The following FILIP1L variants were observed in gnomAD, a reference collection of about 807,000 sequenced individuals.
FILIP1L encodes the protein filamin A-interacting protein 1-like.
FILIP1L carries 55 observed loss-of-function variants against 96.6 expected under a neutral mutation model. That is an observed-to-expected ratio of 0.57 (90% CI 0.46 to 0.71). FILIP1L has a LOEUF of 0.71. Among genes scored for constraint, FILIP1L ranks in the 30% least tolerant of loss-of-function variants. FILIP1L has a pLI of 0.00. For synonymous variants in FILIP1L, 467 were observed against 473.9 expected (o/e 0.99, Z 0.19); for missense variants, 1,304 against 1,321.2 (o/e 0.99, Z 0.20).
rs187341961 is a variant in FILIP1L, at chr3:99,850,099, T to C, written c.1577A>G (p.Gln526Arg). 4.0e-5 allele frequency: 64 copies of C among 1,613,266 alleles called. No individual in the cohort carries two copies. In the Admixed American group the frequency reaches 1.1e-3, roughly 27 times the overall value. The change falls in exon 5 of 6, where the codon CAA becomes CGA. Residue 526 changes from glutamine (Q) to arginine (R), a missense_variant. Gln to Arg is a conservative substitution (Grantham distance 43). Transcript: ENST00000477258. ...DKLQAASSQLQVEQNKVTTVT... is the reference protein window; with the variant it reads ...DKLQAASSQLRVEQNKVTTVT... ...TGTTGTTACTTTATTTTGCTCCACT[T>C]GAAGCTGAGAAGAAGCAGCTTGTAA...
At chr3:100,002,624 T>A (rs1320061349) in intron 1 of FILIP1L, among the ~76,000 whole-genome samples, 2 of 152,190 alleles carry the variant, frequency 1.3e-5, no homozygotes, top group African/African-American at 4.8e-5. Context: ...TATCTGTCCA[T>A]CATATGGGTG....
At chr3:99,962,556 A>G (rs974136184) in intron 1 of FILIP1L, among the ~76,000 whole-genome samples, 1 of 152,182 alleles carries the variant, frequency 6.6e-6, no homozygotes, top group African/African-American at 2.4e-5. Flanking sequence ...GGAAGAGATA[A>G]TATTGTTTTA....
intron 5 of FILIP1L, among the ~76,000 whole-genome samples, chr3:99,830,831 G>A (rs1428512808): frequency 6.6e-6 from 1 of 152,196 alleles, no homozygotes; most frequent in Non-Finnish European, 1.5e-5. Context: ...GATAGTGGTA[G>A]ATACAGAGAT....
chr3:99,997,998 A>G (rs1052778912), intron 1 of FILIP1L, among the ~76,000 whole-genome samples: 1 of 152,244 alleles, frequency 6.6e-6, no homozygotes, highest in African/African-American at 2.4e-5. Context: ...GGTTCCTGCT[A>G]GAGCATAGAG....
chr3:99,850,082 C>A lies in FILIP1L; in HGVS notation c.1594G>T (p.Val532Leu), dbSNP rs563640451. Residue 532 changes from valine to leucine, a missense_variant, in exon 5 of 6, where the codon GTA (valine) becomes TTA (leucine). Coordinates refer to ENST00000477258, the MANE Select transcript of FILIP1L (RefSeq NM_001387850.1). The part of the protein sequence containing the change: ...SSQLQVEQNK[V>L]TTVTEKLIEE... ...ATTAACTTCTCAGTAACTGTTGTTA[C>A]TTTATTTTGCTCCACTTGAAGCTGA... 1.7e-5 allele frequency: 28 copies of A among 1,613,010 alleles called. No homozygotes were observed. In the African/African-American group the frequency reaches 2.4e-4, roughly 14 times the overall value.
At chr3:99,970,688 G>C (rs538846923) in intron 1 of FILIP1L, among the ~76,000 whole-genome samples, 29 of 152,314 alleles carry the variant, frequency 1.9e-4, no homozygotes, top group African/African-American at 7.0e-4. Context: ...AAGACATTCT[G>C]TATATGGGAT....
chr3:99,874,742 G>T (rs1473324356), intron 4 of FILIP1L, among the ~76,000 whole-genome samples: 1 of 152,132 alleles, frequency 6.6e-6, no homozygotes, highest in Non-Finnish European at 1.5e-5. Flanking sequence ...CCCACATTTT[G>T]AGTATTTTTT....
intron 1 of FILIP1L, among the ~76,000 whole-genome samples, chr3:99,970,293 A>T (rs1389253503): frequency 6.6e-6 from 1 of 152,246 alleles, no homozygotes; most frequent in Admixed American, 6.5e-5. Flanking sequence ...TAGAGGCTGC[A>T]ATCACTCTGA....
chr3:99,841,288 A>G (rs1413479371), intron 5 of FILIP1L, among the ~76,000 whole-genome samples: 1 of 152,248 alleles, frequency 6.6e-6, no homozygotes, highest in African/African-American at 2.4e-5. Context: ...GTTTCTTTCA[A>G]ATATATCAAA....
intron 1 of FILIP1L, among the ~76,000 whole-genome samples, chr3:100,053,081 C>T (rs1487602627): frequency 6.6e-6 from 1 of 152,116 alleles, no homozygotes; most frequent in Non-Finnish European, 1.5e-5. Flanking sequence ...TCCTTGTTGA[C>T]AGTATGCTTC....
chr3:100,044,985 G>A (rs2065256713), intron 1 of FILIP1L, among the ~76,000 whole-genome samples: 1 of 152,186 alleles, frequency 6.6e-6, no homozygotes, highest in Non-Finnish European at 1.5e-5. Context: ...TTAGAGGAGA[G>A]TCTAGCCTGG....
intron 1 of FILIP1L, among the ~76,000 whole-genome samples, chr3:100,026,337 G>A (rs572043111): frequency 6.6e-6 from 1 of 152,206 alleles, no homozygotes; most frequent in Admixed American, 6.6e-5. Context: ...CTGTCTGCAG[G>A]AAACAGACAG....
intron 2 of FILIP1L, 50 bp from the exon 3 acceptor site, chr3:99,930,079 C>G (rs1447022130): frequency 6.8e-7 from 1 of 1,466,272 alleles, no homozygotes; most frequent in Non-Finnish European, 9.2e-7. Flanking sequence ...TACCAGCAGT[C>G]TCAGCAAGTG....
intron 1 of FILIP1L, among the ~76,000 whole-genome samples, chr3:99,969,527 T>C (rs560181417): frequency 2.6e-5 from 4 of 152,092 alleles, no homozygotes; most frequent in South Asian, 2.1e-4. Context: ...TCTAAAGATA[T>C]TAGTGAAAGA....
intron 1 of FILIP1L, among the ~76,000 whole-genome samples, chr3:100,046,294 C>T (rs1279888440): frequency 6.6e-6 from 1 of 152,126 alleles, no homozygotes; most frequent in Non-Finnish European, 1.5e-5. Context: ...ATAGTCCACT[C>T]CTCCTTATGC....
chr3:100,096,660 C>CA (rs1179101855), intron 1 of FILIP1L, among the ~76,000 whole-genome samples: 76 of 111,716 alleles, frequency 6.8e-4, no homozygotes, highest in East Asian at 1.8e-3. Context: ...TTAAGGAGTA[C>CA]AAAAAAAAAA....
chr3:100,043,886 A>G (rs1343293353), intron 1 of FILIP1L, among the ~76,000 whole-genome samples: 1 of 152,222 alleles, frequency 6.6e-6, no homozygotes, highest in African/African-American at 2.4e-5. Flanking sequence ...GTCATTATGC[A>G]GTGCAATAGA....
At chr3:99,991,894 G>T (rs1709526078) in intron 1 of FILIP1L, among the ~76,000 whole-genome samples, 1 of 148,416 alleles carries the variant, frequency 6.7e-6, no homozygotes, top group South Asian at 2.1e-4. Context: ...GTATATATGT[G>T]TGTATATATA....
At chr3:99,867,896 AG>A (rs1944599712) in intron 4 of FILIP1L, among the ~76,000 whole-genome samples, 1 of 152,232 alleles carries the variant, frequency 6.6e-6, no homozygotes, top group Non-Finnish European at 1.5e-5. Context: ...ATGCTGTAAA[AG>A]CAAATAAGTA....
Sources: allele counts gnomAD v4.1 joint callset (sites outside exome capture counted in the v4.1 genomes callset), GRCh38; gene constraint gnomAD v4.1.1; transcripts MANE v1.5; gene names NCBI Gene and HGNC (gene_info 2026-07-23, HGNC 2026-07-21).